The following PRDM5 variants were observed in gnomAD, a reference collection of about 807,000 sequenced individuals.
PRDM5 encodes the protein PR/SET domain 5.
PRDM5 carries 56 observed loss-of-function variants against 81.2 expected under a neutral mutation model. The observed-to-expected ratio is 0.69, with a 90% CI of 0.56 to 0.86. PRDM5 has a LOEUF of 0.86. Ranked by LOEUF, PRDM5 falls within the 40% of genes least tolerant of loss-of-function variation. PRDM5 has a pLI of 0.00. For synonymous variants in PRDM5, 267 were observed against 256.4 expected, an observed-to-expected ratio of 1.04 and a Z score of -0.39; for missense variants, 697 against 770.1, an observed-to-expected ratio of 0.91 and a Z score of 1.12.
chr4:120,757,750 A>C (rs1496260), intron 13 of PRDM5, among the ~76,000 whole-genome samples: 22,456 of 146,774 alleles, frequency 0.15, 2,552 homozygotes, highest in African/African-American at 0.31. Flanking sequence ...TTTTCTTCTC[A>C]CTCATCTTTC....
chr4:120,774,403 A>G (rs1240417013), intron 13 of PRDM5, among the ~76,000 whole-genome samples: 1 of 152,244 alleles, frequency 6.6e-6, no homozygotes, highest in Admixed American at 6.5e-5. Context: ...AAGGAAAAGT[A>G]ACACAGGGAG....
intron 14 of PRDM5, among the ~76,000 whole-genome samples, chr4:120,734,562 C>A (rs1740819702): frequency 6.6e-6 from 1 of 152,150 alleles, no homozygotes; most frequent in Non-Finnish European, 1.5e-5. Context: ...TATCATAAAA[C>A]TGCAAGATTC....
intron 10 of PRDM5, among the ~76,000 whole-genome samples, chr4:120,791,766 A>G (rs757992409): frequency 2.0e-5 from 3 of 152,122 alleles, no homozygotes; most frequent in African/African-American, 4.8e-5. Context: ...TTAACCCCCA[A>G]TGTGATGGTA....
intron 14 of PRDM5, among the ~76,000 whole-genome samples, chr4:120,722,018 CT>C (rs1343760306): frequency 2.6e-5 from 4 of 152,172 alleles, no homozygotes; most frequent in African/African-American, 9.6e-5. Flanking sequence ...GTTCGGCTTG[CT>C]TGTGGCCAAA....
chr4:120,831,204 G>A (rs1263307424), intron 3 of PRDM5, among the ~76,000 whole-genome samples: 1 of 152,074 alleles, frequency 6.6e-6, no homozygotes, highest in Admixed American at 6.6e-5. Context: ...GGGCGGACAT[G>A]TTCTTATTGC....
chr4:120,813,374 G>T (rs1754098709), intron 7 of PRDM5, among the ~76,000 whole-genome samples: 1 of 152,042 alleles, frequency 6.6e-6, no homozygotes, highest in Non-Finnish European at 1.5e-5. Flanking sequence ...GACTCACCAT[G>T]ACCATTCCTG....
At position 120,816,898 on chromosome 4, in the gene PRDM5, C is replaced by T; in HGVS notation, c.677G>A (p.Ser226Asn). 6.2e-7 allele frequency: 1 copy of T among 1,613,270 alleles called. No individual in the cohort carries two copies. Among genetic ancestry groups the T allele is most frequent in the Non-Finnish European group, 8.5e-7 (1 of 1,179,264 alleles). Reference sequence around the variant, plus strand: ...AAAACTTCGCGAAGACTCCTTTAGACTGCTTTTCGCTGTGCACTGAAGAAC... The same window carrying T: ...AAAACTTCGCGAAGACTCCTTTAGATTGCTTTTCGCTGTGCACTGAAGAAC... ...RHVLQCTAKS[S>N]LKESSRSFQC... Residue 226 changes from serine to asparagine, a missense_variant, in exon 6 of 16, where the codon AGT (serine) becomes AAT (asparagine). This residue lies in a region of PRDM5 where 577 missense variants were observed against 606.7 expected (regional missense o/e 0.95). Transcript: ENST00000264808.
chr4:120,900,605 GT>G (rs1305509274), intron 2 of PRDM5, among the ~76,000 whole-genome samples: 3 of 152,114 alleles, frequency 2.0e-5, no homozygotes, highest in Non-Finnish European at 4.4e-5. Flanking sequence ...TGGAAAAGAA[GT>G]TTCCAAAAAC....
intron 2 of PRDM5, among the ~76,000 whole-genome samples, chr4:120,887,712 A>G (rs1763589492): frequency 6.6e-6 from 1 of 151,862 alleles, no homozygotes; most frequent in Non-Finnish European, 1.5e-5. Flanking sequence ...GATGGCCGCT[A>G]CACTTATTAT....
chr4:120,889,234 A>AT (rs1451567340), intron 2 of PRDM5, among the ~76,000 whole-genome samples: 1 of 152,092 alleles, frequency 6.6e-6, no homozygotes, highest in East Asian at 1.9e-4. Context: ...TATTAAGTTG[A>AT]TTTTTCATAT....
At chr4:120,882,991 A>T (rs749397612) in intron 2 of PRDM5, among the ~76,000 whole-genome samples, 1 of 152,196 alleles carries the variant, frequency 6.6e-6, no homozygotes, top group Non-Finnish European at 1.5e-5. Flanking sequence ...TAAAGTTAAA[A>T]ATTCAGTCCC....
At chr4:120,870,658 G>A (rs1429489803) in intron 2 of PRDM5, among the ~76,000 whole-genome samples, 2 of 152,200 alleles carry the variant, frequency 1.3e-5, no homozygotes, top group East Asian at 1.9e-4. Flanking sequence ...TGAATTAAAC[G>A]TGAAGCTGTA....
intron 15 of PRDM5, among the ~76,000 whole-genome samples, chr4:120,697,981 C>T (rs1278557511): frequency 6.6e-6 from 1 of 151,254 alleles, no homozygotes; most frequent in African/African-American, 2.4e-5. Context: ...AAGAAAATGT[C>T]AATAGATTAA....
intron 13 of PRDM5, among the ~76,000 whole-genome samples, chr4:120,766,615 C>T (rs773941675): frequency 3.9e-5 from 6 of 152,072 alleles, no homozygotes; most frequent in African/African-American, 7.2e-5. Context: ...TCAAGAGTAA[C>T]AGCAGGGGTC....
intron 13 of PRDM5, among the ~76,000 whole-genome samples, chr4:120,775,576 A>G (rs1335556111): frequency 1.3e-5 from 2 of 152,182 alleles, no homozygotes; most frequent in Non-Finnish European, 2.9e-5. Context: ...TATACCAAAC[A>G]TAACACAATT....
chr4:120,746,271 C>G (rs1473754303), intron 14 of PRDM5, among the ~76,000 whole-genome samples: 1 of 142,692 alleles, frequency 7.0e-6, no homozygotes, highest in Non-Finnish European at 1.5e-5. Context: ...ACACCTTATA[C>G]AAAAATTAAT....
At chr4:120,724,621 T>A (rs887012160) in intron 14 of PRDM5, among the ~76,000 whole-genome samples, 1 of 152,146 alleles carries the variant, frequency 6.6e-6, no homozygotes, top group Non-Finnish European at 1.5e-5. Context: ...GCAAGTGTAA[T>A]CCATCTTTGA....
At position 120,855,590 on chromosome 4, in the gene PRDM5, T is replaced by C. The variant is rs148449832; in HGVS notation, c.178-2050A>G. 2.5e-3 allele frequency among the ~76,000 whole-genome samples: 388 copies of C among 152,328 alleles called. 1 individual carries two copies. The highest frequency in any genetic ancestry group is 7.2e-3 in the African/African-American group (301 of 41,580). On this transcript the variant is annotated intron_variant, in intron 2 of 15. Coordinates refer to ENST00000264808, the MANE Select transcript of PRDM5 (RefSeq NM_018699.4). ...ACCTCTGCCTCAATGGGCATGTCAG[T>C]TCACATTTTTTTGGCAGAGTAAACA...
At chr4:120,850,867 G>C (rs556410810) in intron 3 of PRDM5, among the ~76,000 whole-genome samples, 13 of 152,254 alleles carry the variant, frequency 8.5e-5, no homozygotes, top group Middle Eastern at 3.4e-3. Context: ...CATGAAAACT[G>C]TAAGTCTTAG....
Sources: allele counts gnomAD v4.1 joint callset (sites outside exome capture counted in the v4.1 genomes callset), GRCh38; gene constraint gnomAD v4.1.1; regional missense constraint gnomAD v4.1.1; transcripts MANE v1.5; gene names NCBI Gene and HGNC (gene_info 2026-07-23, HGNC 2026-07-21).